The following SLC25A31 variants were observed in gnomAD, a reference collection of about 807,000 sequenced individuals.
The protein encoded by SLC25A31 is ADP/ATP translocase 4.
In SLC25A31, 40 loss-of-function variants were observed where a neutral mutation model predicts 36.2. The ratio of observed to expected loss-of-function variants is 1.10; its 90% confidence interval spans 0.86 to 1.44. The LOEUF is 1.44. Ranked by LOEUF, SLC25A31 falls within the 40% of genes most tolerant of loss-of-function variation. The pLI is 0.00. For missense variants in SLC25A31, 350 were observed against 397.1 expected, an observed-to-expected ratio of 0.88 and a Z score of 1.01; for synonymous variants, 143 against 149.7, an observed-to-expected ratio of 0.96 and a Z score of 0.32.
At chr4:127,758,326 G>A (rs974104878) in intron 2 of SLC25A31, among the ~76,000 whole-genome samples, 4 of 152,086 alleles carry the variant, frequency 2.6e-5, no homozygotes, top group African/African-American at 9.7e-5. Context: ...ATTTTTTAAT[G>A]GGGTTATTTG....
chr4:127,768,191 G>C (rs1002058281), intron 4 of SLC25A31, among the ~76,000 whole-genome samples: 3 of 151,864 alleles, frequency 2.0e-5, no homozygotes, highest in African/African-American at 7.2e-5. Flanking sequence ...TATAAATGTA[G>C]TTGCATGGCA....
chr4:127,744,924 C>T (rs922530023), intron 2 of SLC25A31, 125 bp downstream of exon 2: 4 of 696,916 alleles, frequency 5.7e-6, no homozygotes, highest in Non-Finnish European at 8.4e-6. Context: ...TTAGATTTGT[C>T]TTAACTGTGA....
At chr4:127,738,048 A>C (rs1264649807) in intron 1 of SLC25A31, among the ~76,000 whole-genome samples, 1 of 152,154 alleles carries the variant, frequency 6.6e-6, no homozygotes, top group Non-Finnish European at 1.5e-5. Context: ...CCAGCTTATT[A>C]GTTTTTTCCT....
chr4:127,755,457 G>A (rs963022946), intron 2 of SLC25A31, among the ~76,000 whole-genome samples: 1 of 152,072 alleles, frequency 6.6e-6, no homozygotes, highest in Non-Finnish European at 1.5e-5. Flanking sequence ...AAAAACAAAT[G>A]ACCTGATTAG....
At chr4:127,770,652 A>G (rs942120769) in intron 5 of SLC25A31, among the ~76,000 whole-genome samples, 1 of 151,622 alleles carries the variant, frequency 6.6e-6, no homozygotes, top group African/African-American at 2.4e-5. Context: ...GAAAATATGC[A>G]CTCGAGTGTT....
chr4:127,767,233 CT>C lies in SLC25A31; in HGVS notation c.633+16del. 1 of 1,536,584 alleles carries C rather than the reference CT, an allele frequency of 6.5e-7. No homozygotes were observed. The highest frequency in any genetic ancestry group is 8.7e-7 in the Non-Finnish European group (1 of 1,142,912). On this transcript the variant is annotated intron_variant, in intron 4 of 5. Transcript: ENST00000281154. ...TGACACAGTTAAGGTAATCTGGGGG[CT>C]TTAACTTGGACATATTAAATATATG...
chr4:127,732,339 G>C (rs1731542961), intron 1 of SLC25A31, among the ~76,000 whole-genome samples: 2 of 152,180 alleles, frequency 1.3e-5, no homozygotes, highest in African/African-American at 4.8e-5. Context: ...GTCAGGGGTA[G>C]AAACTTAATG....
At chr4:127,738,458 T>C (rs1400908374) in intron 1 of SLC25A31, among the ~76,000 whole-genome samples, 4 of 152,214 alleles carry the variant, frequency 2.6e-5, no homozygotes, top group Admixed American at 2.6e-4. Flanking sequence ...GTTTTTATTC[T>C]GTTGTGGTCA....
intron 3 of SLC25A31, among the ~76,000 whole-genome samples, chr4:127,765,295 A>G (rs1448945257): frequency 6.6e-6 from 1 of 152,154 alleles, no homozygotes; most frequent in Non-Finnish European, 1.5e-5. Context: ...TTGTGATCAA[A>G]TGGCTTGCTT....
At position 127,730,725 on chromosome 4, in the gene SLC25A31, G is replaced by A. The variant is rs1560628611; in HGVS notation, c.180G>A (p.Glu60=). The A allele has an allele frequency of 6.2e-7, 1 of 1,613,700 alleles. No homozygotes were observed. Among genetic ancestry groups the A allele is most frequent in the Non-Finnish European group, 8.5e-7 (1 of 1,179,942 alleles). ...CGTCGTCGAAGCAGATCAGCCCCGAGGCGCGGTACAAAGGCATGGTGGACT... is the reference window on the plus strand; with the variant it reads ...CGTCGTCGAAGCAGATCAGCCCCGAAGCGCGGTACAAAGGCATGGTGGACT... ...VQASSKQISP[E]ARYKGMVDCL... is the part of the protein sequence containing the mutation. Residue 60 remains glutamate (E), a synonymous_variant, in exon 1 of 6, where the codon GAG becomes GAA. Transcript: ENST00000281154.
intron 2 of SLC25A31, among the ~76,000 whole-genome samples, chr4:127,748,187 C>T (rs1731858970): frequency 6.6e-6 from 1 of 152,180 alleles, no homozygotes; most frequent in African/African-American, 2.4e-5. Context: ...CAGGTGTTTA[C>T]CATAAATCAC....
intron 4 of SLC25A31, 83 bp downstream of exon 4, chr4:127,767,303 C>A: frequency 1.8e-6 from 2 of 1,138,010 alleles, no homozygotes; most frequent in Non-Finnish European, 2.3e-6. Flanking sequence ...AGATATGTTA[C>A]TTTTAATTAT....
intron 1 of SLC25A31, among the ~76,000 whole-genome samples, chr4:127,735,876 A>ATTTTTTTTTTTTTTTTTTTTT (rs1560630392): frequency 1.4e-5 from 1 of 73,748 alleles, no homozygotes; most frequent in African/African-American, 4.8e-5. Context: ...TATTTTATTT[A>ATTTTTTTTTTTTTTTTTTTTT]TTTATTTATT....
chr4:127,739,563 TATGC>T (rs1291798012), intron 1 of SLC25A31, among the ~76,000 whole-genome samples: 1 of 152,176 alleles, frequency 6.6e-6, no homozygotes, highest in Non-Finnish European at 1.5e-5. Flanking sequence ...CTGGTGACTA[TATGC>T]CTTGGTGATT....
intron 2 of SLC25A31, among the ~76,000 whole-genome samples, chr4:127,752,328 C>A (rs1446340811): frequency 1.3e-5 from 2 of 151,522 alleles, no homozygotes. Flanking sequence ...GACAAAAAAC[C>A]AAACACCGCA....
intron 1 of SLC25A31, among the ~76,000 whole-genome samples, chr4:127,743,831 G>C (rs1731775020): frequency 6.6e-6 from 1 of 152,164 alleles, no homozygotes; most frequent in Non-Finnish European, 1.5e-5. Context: ...GCAGTTAACT[G>C]AGATTATTTT....
chr4:127,731,575 G>A (rs1560629007), intron 1 of SLC25A31, among the ~76,000 whole-genome samples: 1 of 152,134 alleles, frequency 6.6e-6, no homozygotes, highest in African/African-American at 2.4e-5. Context: ...CGGGCGTGGT[G>A]GCGCACGCCT....
intron 1 of SLC25A31, among the ~76,000 whole-genome samples, chr4:127,734,098 T>G (rs1258466338): frequency 6.6e-6 from 1 of 152,216 alleles, no homozygotes; most frequent in East Asian, 1.9e-4. Context: ...ATGCAAATAA[T>G]GCATAATTAT....
At chr4:127,748,759 G>A (rs931250661) in intron 2 of SLC25A31, among the ~76,000 whole-genome samples, 22 of 152,206 alleles carry the variant, frequency 1.4e-4, no homozygotes, top group African/African-American at 5.1e-4. Flanking sequence ...TCAGTCCAAC[G>A]ACCTAACAGG....
Sources: gnomAD v4.1 joint callset for allele counts (sites outside exome capture counted in the v4.1 genomes callset) on GRCh38, gnomAD v4.1.1 for gene constraint, MANE v1.5 for transcripts, NCBI Gene and HGNC (gene_info 2026-07-23, HGNC 2026-07-21) for gene names.